The following SUPT3H variants were observed in gnomAD, a reference collection of about 807,000 sequenced individuals.
SUPT3H encodes the protein SPT3 homolog, SAGA and STAGA complex component.
SUPT3H carries 44 observed loss-of-function variants against 44.3 expected under a neutral mutation model. The ratio of observed to expected loss-of-function variants is 0.99; its 90% CI spans 0.78 to 1.28. SUPT3H has a LOEUF of 1.28. SUPT3H is among the 50% of genes most tolerant of loss of function. The pLI, the probability that SUPT3H is intolerant of heterozygous loss-of-function variation, is 0.00. For missense variants in SUPT3H, 380 were observed against 387.1 expected (o/e 0.98, Z 0.15); for synonymous variants, 124 against 125.6 (o/e 0.99, Z 0.09).
intron 2 of SUPT3H, among the ~76,000 whole-genome samples, chr6:45,362,029 G>A (rs1794348378): frequency 6.6e-6 from 1 of 151,972 alleles, no homozygotes; most frequent in Non-Finnish European, 1.5e-5. Context: ...CCAGCGCCTG[G>A]GCAACAAAGC....
chr6:44,822,060 T>C (rs1351466950), downstream of SUPT3H, among the ~76,000 whole-genome samples: 2 of 152,240 alleles, frequency 1.3e-5, no homozygotes, highest in Non-Finnish European at 2.9e-5. Context: ...GTATATTTAT[T>C]AATAAAATAG....
At chr6:44,952,527 A>G (rs562451320) in intron 9 of SUPT3H, among the ~76,000 whole-genome samples, 1 of 152,348 alleles carries the variant, frequency 6.6e-6, no homozygotes, top group African/African-American at 2.4e-5. Flanking sequence ...AACTTGATCC[A>G]AAACGTACTT....
In SUPT3H at chr6:44,812,385, C is replaced by A. The variant is rs112825084; in HGVS notation, c.*53-2884G>T. On this transcript the variant is annotated intron_variant and NMD_transcript_variant, in intron 11 of 11. Coordinates refer to the SUPT3H transcript ENST00000475057. ...TATTCCTTGGCTCGTGGCTCCTTTACTCTGTCTTCAAAGCTAGAACATCAA... is the reference window on the plus strand; with the variant it reads ...TATTCCTTGGCTCGTGGCTCCTTTAATCTGTCTTCAAAGCTAGAACATCAA... Among the ~76,000 whole-genome samples, 1,357 of 152,276 alleles carry A rather than the reference C, an allele frequency of 8.9e-3. 14 individuals carry two copies. The highest frequency in any genetic ancestry group is 0.026 in the South Asian group (124 of 4,818).
At chr6:44,925,542 CA>C (rs1769386650) in intron 10 of SUPT3H, among the ~76,000 whole-genome samples, 1 of 152,134 alleles carries the variant, frequency 6.6e-6, no homozygotes, top group South Asian at 2.1e-4. Flanking sequence ...TCGGCAAACA[CA>C]GTTTCCTTTC....
chr6:45,212,457 C>A (rs11755386), intron 2 of SUPT3H, among the ~76,000 whole-genome samples: 1 of 140,996 alleles, frequency 7.1e-6, no homozygotes. Context: ...GCCGTAGGTT[C>A]TGAAACTTCC....
intron 10 of SUPT3H, among the ~76,000 whole-genome samples, chr6:44,870,615 AG>A (rs1776237150): frequency 6.6e-6 from 1 of 150,724 alleles, no homozygotes; most frequent in Non-Finnish European, 1.5e-5. Context: ...AAAAAAAAAA[AG>A]AAAGAAAAAG....
chr6:45,354,999 G>A (rs891607755), intron 2 of SUPT3H, among the ~76,000 whole-genome samples: 5 of 152,004 alleles, frequency 3.3e-5, no homozygotes, highest in African/African-American at 1.2e-4. Context: ...TTTGGAGACA[G>A]GGTCTCACTC....
intron 10 of SUPT3H, among the ~76,000 whole-genome samples, chr6:44,901,740 A>G (rs1221869990): frequency 4.0e-5 from 6 of 151,674 alleles, no homozygotes; most frequent in Non-Finnish European, 8.9e-5. Flanking sequence ...CCAAAGTTGA[A>G]ATGAAGGAAA....
intron 6 of SUPT3H, among the ~76,000 whole-genome samples, chr6:44,974,898 C>A (rs542790645): frequency 6.6e-6 from 1 of 152,138 alleles, no homozygotes; most frequent in Admixed American, 6.5e-5. Flanking sequence ...AGATAACTGG[C>A]TCAATGATGT....
intron 2 of SUPT3H, among the ~76,000 whole-genome samples, chr6:45,123,396 T>C (rs1801957785): frequency 6.6e-6 from 1 of 150,816 alleles, no homozygotes; most frequent in African/African-American, 2.4e-5. Flanking sequence ...TTTCCCCAGA[T>C]AGGGTCTCGC....
intron 3 of SUPT3H, among the ~76,000 whole-genome samples, chr6:45,051,411 A>G (rs1435448414): frequency 6.6e-6 from 1 of 152,146 alleles, no homozygotes; most frequent in African/African-American, 2.4e-5. Context: ...TAGAAATTCA[A>G]AGAAAAAGAA....
chr6:45,330,223 A>C (rs1332084578), intron 2 of SUPT3H, among the ~76,000 whole-genome samples: 4 of 151,936 alleles, frequency 2.6e-5, no homozygotes. Flanking sequence ...TTAAAATTTT[A>C]ATGATGGGTA....
At chr6:45,274,667 G>C (rs1776728373) in intron 2 of SUPT3H, among the ~76,000 whole-genome samples, 1 of 152,176 alleles carries the variant, frequency 6.6e-6, no homozygotes, top group South Asian at 2.1e-4. Context: ...GATGGCTTGA[G>C]CCCAGGAGTT....
At chr6:45,155,631 A>G (rs1018923665) in intron 2 of SUPT3H, among the ~76,000 whole-genome samples, 1 of 152,184 alleles carries the variant, frequency 6.6e-6, no homozygotes, top group Non-Finnish European at 1.5e-5. Context: ...ATGTACAAAG[A>G]TAAGCAAAAG....
At position 44,827,879 on chromosome 6, in the gene SUPT3H, T is replaced by TATAA. The variant is rs748278791; in HGVS notation, c.*1933_*1936dup. 6.6e-6 allele frequency among the ~76,000 whole-genome samples: 1 copy of TATAA among 152,154 alleles called. No homozygotes were observed. The highest frequency in any genetic ancestry group is 6.6e-5 in the Admixed American group (1 of 15,266). ...GAACTTACTGGGCAAAACCAGATTT[T>TATAA]ATAAATAATTACCTGTCAGACTGTT... On this transcript the variant is annotated 3_prime_UTR_variant, in exon 11 of 11. Coordinates refer to ENST00000371459, the MANE Select transcript of SUPT3H (RefSeq NM_003599.4).
chr6:44,985,777 A>G (rs1779708309), intron 6 of SUPT3H, among the ~76,000 whole-genome samples: 1 of 152,080 alleles, frequency 6.6e-6, no homozygotes, highest in Admixed American at 6.6e-5. Flanking sequence ...CTCACTTAAT[A>G]TTCCCTACTC....
rs979684905 is a variant in SUPT3H at position 45,302,812 on chromosome 6, A to G, written c.101+62389T>C. On this transcript the variant is annotated intron_variant, in intron 2 of 10. Coordinates refer to ENST00000371459, the MANE Select transcript of SUPT3H (RefSeq NM_003599.4). ...TAGTTTACATTCCCAACAGCAGTAT[A>G]TAAGTGTTGCCTTTTCACCACATCC... Among the ~76,000 whole-genome samples the G allele has an allele frequency of 1.1e-4, 16 of 152,222 alleles. 1 individual carries two copies. Among genetic ancestry groups the G allele is most frequent in the Admixed American group, 1.3e-4 (2 of 15,286 alleles).
intron 3 of SUPT3H, among the ~76,000 whole-genome samples, chr6:45,030,944 G>C (rs1203815406): frequency 6.6e-6 from 1 of 152,144 alleles, no homozygotes; most frequent in Non-Finnish European, 1.5e-5. Context: ...GGTACATCCC[G>C]AAGAGTGTTC....
intron 6 of SUPT3H, among the ~76,000 whole-genome samples, chr6:44,975,169 TCAAA>T (rs112143344): frequency 1.4e-4 from 21 of 150,628 alleles, no homozygotes; most frequent in Non-Finnish European, 2.1e-4. Context: ...AGACTCCATC[TCAAA>T]CAAACAAACA....
Sources: gnomAD v4.1 joint callset for allele counts (sites outside exome capture counted in the v4.1 genomes callset) on GRCh38, gnomAD v4.1.1 for gene constraint, MANE v1.5 for transcripts, NCBI Gene and HGNC (gene_info 2026-07-23, HGNC 2026-07-21) for gene names.